The following CLTC variants were observed in gnomAD, a reference collection of about 807,000 sequenced individuals.
CLTC encodes the protein clathrin heavy chain, also known as clathrin heavy chain 1.
Under a neutral mutation model 195.8 loss-of-function variants are expected in CLTC, and 16 were observed. That is an observed-to-expected ratio of 0.08 (90% confidence interval 0.06 to 0.12). CLTC has a LOEUF of 0.12. Among genes scored for constraint, CLTC ranks in the 10% least tolerant of loss-of-function variants. The pLI, the probability that CLTC is intolerant of heterozygous loss-of-function variation, is 1.00. For synonymous variants in CLTC, 667 were observed against 689.4 expected, an observed-to-expected ratio of 0.97 and a Z score of 0.51; for missense variants, 796 against 2,027.0, an observed-to-expected ratio of 0.39 and a Z score of 11.66.
Position 59,625,274 on chromosome 17 carries a change from A to AT in CLTC, c.42+5111dup, listed in dbSNP as rs201218334. On this transcript the variant is annotated intron_variant, in intron 1 of 31. Coordinates refer to ENST00000269122, the MANE Select transcript of CLTC (RefSeq NM_004859.4). ...CAGGCGCGTGCTACCACGCCCAGCT[A>AT]TTTTTTTTTTATTTTTATTTTTTGG... Among the ~76,000 whole-genome samples the AT allele has an allele frequency of 3.4e-4, 51 of 148,284 alleles. No individual in the cohort carries two copies. In the South Asian group the frequency reaches 5.8e-3, roughly 17 times the overall value.
intron 9 of CLTC, chr17:59,664,563 A>AAAAAAAG: frequency 3.5e-6 from 1 of 289,814 alleles, no homozygotes; most frequent in Middle Eastern, 9.8e-4. Flanking sequence ...AAAAAAAAAA[A>AAAAAAAG]AAAAGAAAAG....
chr17:59,656,210 G>A (rs190713048), intron 6 of CLTC, 183 bp downstream of exon 6: 104 of 500,364 alleles, frequency 2.1e-4, no homozygotes, highest in African/African-American at 1.8e-3. Flanking sequence ...ATCAAAGCAC[G>A]ATGTAAGCTG....
intron 8 of CLTC, among the ~76,000 whole-genome samples, chr17:59,661,940 T>A (rs1466941747): frequency 6.6e-6 from 1 of 151,898 alleles, no homozygotes. Context: ...CCGTCTCTAC[T>A]AAAAATACAA....
chr17:59,644,265 A>AT lies in CLTC; in HGVS notation c.43-5dup, dbSNP rs758795007. 4.3e-6 allele frequency: 7 copies of AT among 1,610,020 alleles called. No homozygotes were observed. The South Asian group carries it at 4.4e-5, about 10-fold the overall frequency. ...CCACTTGGTAACATGGTTTCTTATTATTTTTTCTAGCTCCAGAACCTGGGT... is the reference window on the plus strand; with the variant it reads ...CCACTTGGTAACATGGTTTCTTATTATTTTTTTCTAGCTCCAGAACCTGGGT... On this transcript the variant is annotated splice_polypyrimidine_tract_variant and intron_variant, in intron 1 of 31. Coordinates refer to ENST00000269122, the MANE Select transcript of CLTC (RefSeq NM_004859.4).
Position 59,648,346 on chromosome 17 carries a change from A to G in CLTC, c.626A>G (p.Asn209Ser). The change falls in exon 4 of 32, where the codon AAT (asparagine) becomes AGT (serine). Residue 209 changes from asparagine to serine, a missense_variant. This residue lies in a region of CLTC where 293 missense variants were observed against 795.6 expected (regional missense o/e 0.37). Transcript: ENST00000269122. This position sits in a 1 kb window ranked among gnomAD's most constrained non-coding sequence, Gnocchi z 4.5. ...ASFAQFKMEG[N>S]AEESTLFCFA... ...TTTGCACAGTTTAAGATGGAAGGAA[A>G]TGCAGAAGAATCAACGTTATTTTGT... is the stretch of plus-strand genomic sequence containing the variant. 1 of 1,614,190 alleles carries G rather than the reference A, an allele frequency of 6.2e-7. No homozygotes were observed. Among genetic ancestry groups the G allele is most frequent in the East Asian group, 2.2e-5 (1 of 44,880 alleles).
chr17:59,629,149 T>G (rs895263785), intron 1 of CLTC, among the ~76,000 whole-genome samples: 1 of 152,188 alleles, frequency 6.6e-6, no homozygotes, highest in African/African-American at 2.4e-5. Context: ...AGAACATGGT[T>G]TACAAAAACC....
chr17:59,667,489 C>T (rs550281522), intron 13 of CLTC, among the ~76,000 whole-genome samples: 54 of 152,280 alleles, frequency 3.5e-4, no homozygotes, highest in Non-Finnish European at 7.2e-4. Flanking sequence ...TACTAATGAT[C>T]AGGTATAATA....
intron 1 of CLTC, among the ~76,000 whole-genome samples, chr17:59,641,628 G>A (rs200472681): frequency 1.4e-3 from 100 of 72,302 alleles, no homozygotes; most frequent in Non-Finnish European, 1.5e-3. Flanking sequence ...AAAAAAAAAA[G>A]AGTTTGTCAC....
chr17:59,685,753 T>G lies in CLTC; in HGVS notation c.4772T>G (p.Ile1591Ser). The change falls in exon 30 of 32, where the codon ATC becomes AGC. Residue 1591 changes from isoleucine (I) to serine (S), a missense_variant. By Grantham distance (142) the Ile-to-Ser change is moderately radical (BLOSUM62 -2). Transcript: ENST00000269122. The surrounding 1 kb of genome is among the most constrained non-coding windows in gnomAD (Gnocchi z 5.0). ...VVLETAWRHN[I>S]MDFAMPYFIQ... Reference sequence around the variant, plus strand: ...CTAGAAACTGCATGGAGGCACAATATCATGGATTTTGCCATGCCCTATTTC... The same window carrying G: ...CTAGAAACTGCATGGAGGCACAATAGCATGGATTTTGCCATGCCCTATTTC... 6.2e-7 allele frequency: 1 copy of G among 1,614,116 alleles called. No homozygotes were observed. Among genetic ancestry groups the G allele is most frequent in the Non-Finnish European group, 8.5e-7 (1 of 1,179,978 alleles).
chr17:59,666,314 A>C lies in CLTC; in HGVS notation c.1782+74A>C. ...ATTGTGCAGCGCCTCTCAGATTGTTATGCAAAGCTACTGAGGGGCCTACTC... is the reference window on the plus strand; with the variant it reads ...ATTGTGCAGCGCCTCTCAGATTGTTCTGCAAAGCTACTGAGGGGCCTACTC... On this transcript the variant is annotated intron_variant, in intron 11 of 31. Transcript: ENST00000269122. The surrounding 1 kb of genome is among the most constrained non-coding windows in gnomAD (Gnocchi z 4.9). The C allele has an allele frequency of 6.4e-7, 1 of 1,566,986 alleles. No homozygotes were observed.
chr17:59,644,676 G>A (rs780298031), intron 2 of CLTC, among the ~76,000 whole-genome samples, 193 bp downstream of exon 2: 5 of 151,852 alleles, frequency 3.3e-5, no homozygotes, highest in African/African-American at 4.8e-5. Context: ...TCAGCCTCCC[G>A]AGTTGCTGGA....
intron 1 of CLTC, among the ~76,000 whole-genome samples, chr17:59,643,489 T>G (rs2032103125): frequency 6.6e-6 from 1 of 152,194 alleles, no homozygotes; most frequent in South Asian, 2.1e-4. Flanking sequence ...CTTGTTAAAA[T>G]CCTTAAGTAG....
At chr17:59,690,366 G>A in intron 30 of CLTC, 1 of 326,392 alleles carries the variant, frequency 3.1e-6, no homozygotes, top group Non-Finnish European at 5.6e-6. Context: ...CCTCCCTCAG[G>A]CTGCATCCTA....
intron 1 of CLTC, among the ~76,000 whole-genome samples, chr17:59,636,205 G>A (rs763529267): frequency 1.8e-4 from 28 of 151,984 alleles, no homozygotes; most frequent in African/African-American, 6.0e-4. Context: ...ATAATGGAGT[G>A]CTCTGTGCTC....
In CLTC at chr17:59,632,236, C is replaced by T. The variant is rs1001770251; in HGVS notation, c.43-12040C>T. Among the ~76,000 whole-genome samples, 283 of 151,832 alleles carry T rather than the reference C, an allele frequency of 1.9e-3. 3 individuals are homozygous for T. Among genetic ancestry groups the T allele is most frequent in the Non-Finnish European group, 4.1e-4 (28 of 67,920 alleles). On this transcript the variant is annotated intron_variant, in intron 1 of 31. Coordinates refer to ENST00000269122, the MANE Select transcript of CLTC (RefSeq NM_004859.4). ...ACAAAAAATTAGCTGGGCGCGGTGG[C>T]GGGTGCCTGTAGTCCCAGCTACTCG...
At chr17:59,645,030 T>A (rs2032153534) in intron 2 of CLTC, among the ~76,000 whole-genome samples, 1 of 152,262 alleles carries the variant, frequency 6.6e-6, no homozygotes, top group Non-Finnish European at 1.5e-5. Flanking sequence ...TAGAATAATT[T>A]TAAGTTTTAG....
chr17:59,684,056 C>A, intron 28 of CLTC, 71 bp downstream of exon 28: 1 of 989,768 alleles, frequency 1.0e-6, no homozygotes, highest in South Asian at 1.4e-5. Flanking sequence ...TTTAAAAAAG[C>A]CATTATCCTT....
chr17:59,687,296 GTA>G (rs2033204977), intron 30 of CLTC: 1 of 152,136 alleles, frequency 6.6e-6, no homozygotes, highest in East Asian at 1.9e-4. Context: ...GAAAAACTGA[GTA>G]TGGTGAGTTT....
At chr17:59,644,228 A>G (rs767185019) in intron 1 of CLTC, 48 bp from the exon 2 acceptor site, 4 of 1,497,378 alleles carry the variant, frequency 2.7e-6, no homozygotes, top group South Asian at 2.3e-5. Context: ...ATGAATGTCA[A>G]GTCTTTGGAA....
Sources: allele counts gnomAD v4.1 joint callset (sites outside exome capture counted in the v4.1 genomes callset), GRCh38; gene constraint gnomAD v4.1.1; regional missense constraint gnomAD v4.1.1; non-coding constraint Gnocchi (gnomAD v3.1); transcripts MANE v1.5; gene names NCBI Gene and HGNC (gene_info 2026-07-23, HGNC 2026-07-21).